Variants in PLEKHA6 observed in about 807,000 individuals in gnomAD.
PLEKHA6 encodes pleckstrin homology domain containing A6.
A neutral mutation model predicts 116.7 loss-of-function variants in PLEKHA6; 60 were observed. The ratio of observed to expected loss-of-function variants is 0.51; its 90% CI spans 0.42 to 0.64. PLEKHA6 has a LOEUF of 0.64. Among genes scored for constraint, PLEKHA6 ranks in the 30% least tolerant of loss-of-function variants. The pLI is 0.00. For synonymous variants in PLEKHA6, 489 were observed against 556.1 expected (o/e 0.88, Z 1.70); for missense variants, 1,338 against 1,422.7 (o/e 0.94, Z 0.96).
At chr1:204,360,330 G>A (rs1469170716), upstream of PLEKHA6, among the ~76,000 whole-genome samples, 8 of 151,616 alleles carry the variant, frequency 5.3e-5, no homozygotes, top group Middle Eastern at 3.2e-3. Context: ...AGAGGGGCAC[G>A]TCTCTAGGTG....
In PLEKHA6 at chr1:204,243,140, G is replaced by A. The variant is rs546839612; in HGVS notation, c.2173-1326C>T. On this transcript the variant is annotated intron_variant, in intron 15 of 22. Coordinates refer to ENST00000272203, the MANE Select transcript of PLEKHA6 (RefSeq NM_014935.5). Reference sequence around the variant, plus strand: ...TGCCCCCTGGCTGTCTCGCCACTGCGGTGCCAGGAAGGGGAGCTGGGGTAG... The same window carrying A: ...TGCCCCCTGGCTGTCTCGCCACTGCAGTGCCAGGAAGGGGAGCTGGGGTAG... 247 of 399,414 alleles carry A rather than the reference G, an allele frequency of 6.2e-4. 2 individuals carry two copies. The highest frequency in any genetic ancestry group is 4.2e-3 in the African/African-American group (203 of 48,756). The allele number at this position is 399,414 out of a possible 1,614,324, so 24.7% of individuals were successfully genotyped here. A position where few individuals can be genotyped will look rare whatever the true frequency, so the allele number is the denominator to read the frequency against.
At chr1:204,329,785 G>T (rs1672382519) in intron 1 of PLEKHA6, among the ~76,000 whole-genome samples, 1 of 151,910 alleles carries the variant, frequency 6.6e-6, no homozygotes. Flanking sequence ...TGCATGCAGT[G>T]ACTCATTGTC....
intron 1 of PLEKHA6, among the ~76,000 whole-genome samples, chr1:204,287,363 A>C (rs1669305897): frequency 6.6e-6 from 1 of 152,000 alleles, no homozygotes; most frequent in Non-Finnish European, 1.5e-5. Flanking sequence ...CCCCCTCCAC[A>C]AAACTGTCAT....
At chr1:204,372,719 T>C (rs958430515) in intron 1 of PLEKHA6, among the ~76,000 whole-genome samples, 1 of 152,182 alleles carries the variant, frequency 6.6e-6, no homozygotes, top group African/African-American at 2.4e-5. Flanking sequence ...CCAAACTTTC[T>C]GTGTGACCCT....
chr1:204,313,300 A>G (rs939250301), intron 1 of PLEKHA6, among the ~76,000 whole-genome samples: 2 of 152,060 alleles, frequency 1.3e-5, no homozygotes, highest in South Asian at 4.2e-4. Flanking sequence ...CATCTTAGTG[A>G]TGCACTTCAC....
intron 12 of PLEKHA6, among the ~76,000 whole-genome samples, chr1:204,248,108 G>A (rs534081910): frequency 6.4e-4 from 97 of 150,920 alleles, no homozygotes; most frequent in African/African-American, 2.1e-3. Flanking sequence ...AGTCTGTGTC[G>A]GAAGGTCTGC....
intron 1 of PLEKHA6, among the ~76,000 whole-genome samples, chr1:204,331,778 C>A (rs1672458811): frequency 6.6e-6 from 1 of 152,058 alleles, no homozygotes. Context: ...GTTAGAGAGG[C>A]CCCTGGGAAC....
chr1:204,264,784 C>T (rs1240393449), intron 6 of PLEKHA6, among the ~76,000 whole-genome samples, 158 bp downstream of exon 6: 1 of 152,302 alleles, frequency 6.6e-6, no homozygotes, highest in East Asian at 1.9e-4. Context: ...GTCTAGGGGC[C>T]ATTACTACTC....
At chr1:204,248,034 C>T (rs1663995843) in intron 12 of PLEKHA6, among the ~76,000 whole-genome samples, 1 of 152,066 alleles carries the variant, frequency 6.6e-6, no homozygotes, top group African/African-American at 2.4e-5. Flanking sequence ...TAGAGAGCTT[C>T]CTCCTTTCCG....
intron 4 of PLEKHA6, 53 bp downstream of exon 4, chr1:204,268,155 T>C (rs1429574882): frequency 2.6e-6 from 3 of 1,168,212 alleles, no homozygotes; most frequent in Non-Finnish European, 1.3e-6. Flanking sequence ...GAATCCTTAT[T>C]CTGTGAGGAG....
At chr1:204,275,000 G>T (rs1481163207) in intron 1 of PLEKHA6, 191 bp from the exon 2 acceptor site, 1 of 793,462 alleles carries the variant, frequency 1.3e-6, no homozygotes. Context: ...GTGGGGGAAG[G>T]AAGAGATGAA....
At position 204,245,629 on chromosome 1, in the gene PLEKHA6, G is replaced by A. The variant is rs535032001; in HGVS notation, c.2018C>T (p.Thr673Ile). 6.2e-5 allele frequency: 99 copies of A among 1,608,772 alleles called. No individual in the cohort carries two copies. The South Asian group carries it at 1.1e-3, about 17-fold the overall frequency. Residue 673 changes from threonine (T) to isoleucine (I), a missense_variant, in exon 14 of 23, where the codon ACC becomes ATC. Physicochemically the swap from Thr to Ile is moderately conservative, Grantham distance 89. This residue lies in a region of PLEKHA6 where 1,136 missense variants were observed against 1,163.6 expected (regional missense o/e 0.98). Transcript: ENST00000272203. ...GAGGCACCCACCTCTGTGCTTGGCG[G>A]TGTCCGTGCCCCGGGAGGGGTTGTT... is the stretch of plus-strand genomic sequence containing the variant. The part of the protein sequence containing the change: ...RKNNPSRGTD[T>I]AKHRGGLGPS...
rs542319665 is a variant in PLEKHA6 at position 204,333,725 on chromosome 1, C to T, written c.-95+25969G>A. Among the ~76,000 whole-genome samples, 5 of 152,314 alleles carry T rather than the reference C, an allele frequency of 3.3e-5. No homozygotes were observed. In the East Asian group the frequency reaches 5.8e-4, roughly 18 times the overall value. On this transcript the variant is annotated intron_variant, in intron 1 of 22. Transcript: ENST00000272203. ...AGCTTGCAGGGAAGGGGGAATCCTG[C>T]AGCCCAGGTCCTGCTCTCTGGGAGG...
At chr1:204,325,618 C>T (rs922673048) in intron 1 of PLEKHA6, among the ~76,000 whole-genome samples, 3 of 152,184 alleles carry the variant, frequency 2.0e-5, no homozygotes, top group Non-Finnish European at 2.9e-5. Flanking sequence ...GTACCTGCCT[C>T]GCTGGGCTTT....
chr1:204,258,519 C>T (rs1665659267), intron 8 of PLEKHA6, among the ~76,000 whole-genome samples: 1 of 152,188 alleles, frequency 6.6e-6, no homozygotes. Context: ...GCCTGATGCT[C>T]CCAGGCACCA....
In PLEKHA6 at chr1:204,220,664, T is replaced by C. The variant is rs1659547278; in HGVS notation, c.*2124A>G. On this transcript the variant is annotated 3_prime_UTR_variant, in exon 23 of 23. Coordinates refer to ENST00000272203, the MANE Select transcript of PLEKHA6 (RefSeq NM_014935.5). Reference sequence around the variant, plus strand: ...GATATGCTAGGAATGATGTGGAAAATAAGGGAGAGAAAAACAGGCCTGGGC... The same window carrying C: ...GATATGCTAGGAATGATGTGGAAAACAAGGGAGAGAAAAACAGGCCTGGGC... The C allele has an allele frequency of 6.6e-6, 1 of 151,740 alleles. No homozygotes were observed. Among genetic ancestry groups the C allele is most frequent in the African/African-American group, 2.4e-5 (1 of 41,136 alleles). 9.4% of individuals were successfully genotyped at this position (151,740 alleles called of 1,614,324 possible).
chr1:204,237,511 G>C (rs1662226912), intron 17 of PLEKHA6, among the ~76,000 whole-genome samples: 1 of 152,192 alleles, frequency 6.6e-6, no homozygotes, highest in Non-Finnish European at 1.5e-5. Flanking sequence ...ATGGATCTTG[G>C]AGAATGACAA....
At chr1:204,329,117 G>C (rs1457651602) in intron 1 of PLEKHA6, among the ~76,000 whole-genome samples, 1 of 152,314 alleles carries the variant, frequency 6.6e-6, no homozygotes. Flanking sequence ...GATTAGAGGG[G>C]ATAGTTGGGA....
In PLEKHA6 at chr1:204,219,214, G is replaced by T. The variant is rs1659391509; in HGVS notation, c.*3574C>A. 1 of 149,760 alleles carries T rather than the reference G, an allele frequency of 6.7e-6. No individual in the cohort carries two copies. Among genetic ancestry groups the T allele is most frequent in the Non-Finnish European group, 1.5e-5 (1 of 67,486 alleles). The allele number at this position is 149,760 out of a possible 1,614,324, so 9.3% of individuals were successfully genotyped here. ...ATTGGCCCCAATATGTGCATAAATAGATATACGTGTGTGTGTGTGTGTGTG... is the reference window on the plus strand; with the variant it reads ...ATTGGCCCCAATATGTGCATAAATATATATACGTGTGTGTGTGTGTGTGTG... On this transcript the variant is annotated 3_prime_UTR_variant, in exon 23 of 23. Coordinates refer to ENST00000272203, the MANE Select transcript of PLEKHA6 (RefSeq NM_014935.5).
Sources: allele counts gnomAD v4.1 joint callset (sites outside exome capture counted in the v4.1 genomes callset), GRCh38; gene constraint gnomAD v4.1.1; regional missense constraint gnomAD v4.1.1; transcripts MANE v1.5; gene names NCBI Gene and HGNC (gene_info 2026-07-23, HGNC 2026-07-21).